Variants in PRKCE observed in about 807,000 individuals in gnomAD.
The protein encoded by PRKCE is protein kinase C epsilon type.
In PRKCE, 16 loss-of-function variants were observed where a neutral mutation model predicts 85.4. The ratio of observed to expected loss-of-function variants is 0.19; its 90% CI spans 0.13 to 0.28. The LOEUF is 0.28. Ranked by LOEUF, PRKCE falls within the 10% of genes least tolerant of loss-of-function variation. The probability of loss-of-function intolerance (pLI) is 1.00; values close to 1 mark genes in which losing one functional copy is unlikely to be tolerated. For missense variants in PRKCE, 573 were observed against 975.2 expected, an observed-to-expected ratio of 0.59 and a Z score of 5.49; for synonymous variants, 388 against 371.5, an observed-to-expected ratio of 1.04 and a Z score of -0.51.
intron 1 of PRKCE, among the ~76,000 whole-genome samples, chr2:45,814,532 C>G (rs190337046): frequency 6.6e-6 from 1 of 152,190 alleles, no homozygotes; most frequent in East Asian, 1.9e-4. Flanking sequence ...TGCTGAAAAC[C>G]AGGAAGGCAA....
At chr2:45,847,373 C>CT (rs1691878869) in intron 2 of PRKCE, among the ~76,000 whole-genome samples, 1 of 152,208 alleles carries the variant, frequency 6.6e-6, no homozygotes. Context: ...TTCAATATCT[C>CT]TTTTTTCAGG....
chr2:45,732,808 CA>C (rs1175736249), intron 1 of PRKCE, among the ~76,000 whole-genome samples: 1 of 152,138 alleles, frequency 6.6e-6, no homozygotes, highest in Non-Finnish European at 1.5e-5. Flanking sequence ...ACAACAACAA[CA>C]AAAAACCGAC....
At chr2:46,122,344 GC>G (rs2104339305) in intron 11 of PRKCE, among the ~76,000 whole-genome samples, 1 of 152,202 alleles carries the variant, frequency 6.6e-6, no homozygotes, top group South Asian at 2.1e-4. Context: ...TGATTCTCCT[GC>G]TCAGCCTCCT....
chr2:45,936,494 T>C (rs1699468668), intron 2 of PRKCE, among the ~76,000 whole-genome samples: 1 of 151,956 alleles, frequency 6.6e-6, no homozygotes, highest in Non-Finnish European at 1.5e-5. Flanking sequence ...CTCACTGTCC[T>C]CCTCCTCCAG....
At chr2:45,819,927 C>T (rs1177419398) in intron 1 of PRKCE, among the ~76,000 whole-genome samples, 2 of 152,094 alleles carry the variant, frequency 1.3e-5, no homozygotes, top group African/African-American at 4.8e-5. Context: ...ATTGCACAGC[C>T]CACTGTATTC....
rs572392061 is a variant in PRKCE at position 45,859,404 on chromosome 2, C to G, written c.412+16341C>G. Among the ~76,000 whole-genome samples, 8 of 152,198 alleles carry G rather than the reference C, an allele frequency of 5.3e-5. No homozygotes were observed. In the South Asian group the frequency reaches 1.7e-3, roughly 32 times the overall value. On this transcript the variant is annotated intron_variant, in intron 2 of 14. Transcript: ENST00000306156. ...GCTTTGCTAGGTAATAAGTTGTTTT[C>G]CAAAGTGATTTTACCAGTTGATGCC...
intron 2 of PRKCE, among the ~76,000 whole-genome samples, chr2:45,923,554 G>T (rs1398202871): frequency 6.6e-6 from 1 of 152,218 alleles, no homozygotes; most frequent in African/African-American, 2.4e-5. Context: ...CTGTCAACCA[G>T]CCAGGTGTGT....
chr2:46,169,074 G>A lies in PRKCE; in HGVS notation c.2067+9322G>A, dbSNP rs868277869. Among the ~76,000 whole-genome samples the A allele has an allele frequency of 2.6e-5, 4 of 152,292 alleles. No individual in the cohort carries two copies. In the Middle Eastern group the frequency reaches 0.01, roughly 389 times the overall value. On this transcript the variant is annotated intron_variant, in intron 14 of 14. Coordinates refer to ENST00000306156, the MANE Select transcript of PRKCE (RefSeq NM_005400.3). ...AGAATTTGTTCCCTGAAGGGTACAG[G>A]CACCAAGGGGCACTTTGCAAGCTGA...
chr2:46,070,418 T>C (rs1351715076), intron 10 of PRKCE, among the ~76,000 whole-genome samples: 1 of 151,918 alleles, frequency 6.6e-6, no homozygotes, highest in Non-Finnish European at 1.5e-5. Flanking sequence ...CCAAGGAGGG[T>C]GGATCACGAG....
chr2:45,741,162 G>A (rs1450207817), intron 1 of PRKCE, among the ~76,000 whole-genome samples: 3 of 152,220 alleles, frequency 2.0e-5, no homozygotes, highest in African/African-American at 4.8e-5. Flanking sequence ...ATCGGTGCCT[G>A]TAAAGGAGTC....
intron 10 of PRKCE, among the ~76,000 whole-genome samples, chr2:46,054,606 C>T (rs1056305601): frequency 4.6e-5 from 7 of 152,188 alleles, no homozygotes; most frequent in Non-Finnish European, 1.5e-5. Context: ...AATCTCAGGG[C>T]TTGAAGGTGT....
chr2:46,014,244 T>C (rs1024849620), intron 10 of PRKCE, among the ~76,000 whole-genome samples: 1 of 152,234 alleles, frequency 6.6e-6, no homozygotes, highest in African/African-American at 2.4e-5. Flanking sequence ...ACCTGAACCA[T>C]GTAGGGAATT....
intron 2 of PRKCE, among the ~76,000 whole-genome samples, chr2:45,966,625 AC>A (rs934590204): frequency 6.6e-6 from 1 of 151,948 alleles, no homozygotes; most frequent in Non-Finnish European, 1.5e-5. Flanking sequence ...GCTGACCCCC[AC>A]CCCAACCCCA....
At chr2:45,974,343 G>T (rs1221933436) in intron 2 of PRKCE, among the ~76,000 whole-genome samples, 1 of 152,172 alleles carries the variant, frequency 6.6e-6, no homozygotes, top group Non-Finnish European at 1.5e-5. Flanking sequence ...GTTGGAGCAG[G>T]GTAGGAGGTG....
At chr2:45,699,773 G>C (rs1678464528) in intron 1 of PRKCE, among the ~76,000 whole-genome samples, 1 of 152,202 alleles carries the variant, frequency 6.6e-6, no homozygotes, top group South Asian at 2.1e-4. Context: ...AGAGAGCAGT[G>C]GCTTAGAGGA....
At chr2:46,122,344 G>T (rs1241018420) in intron 11 of PRKCE, among the ~76,000 whole-genome samples, 1 of 152,084 alleles carries the variant, frequency 6.6e-6, no homozygotes, top group Non-Finnish European at 1.5e-5. Context: ...TGATTCTCCT[G>T]CTCAGCCTCC....
intron 10 of PRKCE, among the ~76,000 whole-genome samples, chr2:46,060,543 C>G (rs1241463598): frequency 6.6e-6 from 1 of 152,092 alleles, no homozygotes; most frequent in Non-Finnish European, 1.5e-5. Flanking sequence ...AAAACAGTAC[C>G]CAATCTTGTT....
intron 1 of PRKCE, among the ~76,000 whole-genome samples, chr2:45,719,493 C>A (rs1440433199): frequency 6.6e-6 from 1 of 152,150 alleles, no homozygotes; most frequent in Non-Finnish European, 1.5e-5. Flanking sequence ...GGCTCCTTCC[C>A]TCACTAGGGA....
At chr2:45,822,878 A>T (rs2105343612) in intron 1 of PRKCE, among the ~76,000 whole-genome samples, 1 of 152,312 alleles carries the variant, frequency 6.6e-6, no homozygotes, top group South Asian at 2.1e-4. Flanking sequence ...CTCATTAGTA[A>T]TTACCCTTCT....
Sources: allele counts gnomAD v4.1 joint callset (sites outside exome capture counted in the v4.1 genomes callset), GRCh38; gene constraint gnomAD v4.1.1; transcripts MANE v1.5; gene names NCBI Gene and HGNC (gene_info 2026-07-23, HGNC 2026-07-21).